The following DOCK5 variants were observed in gnomAD, a reference collection of about 807,000 sequenced individuals.
DOCK5 encodes the protein dedicator of cytokinesis 5, also known as dedicator of cytokinesis protein 5.
A neutral mutation model predicts 251.8 loss-of-function variants in DOCK5; 142 were observed. The observed-to-expected ratio is 0.56, with a 90% CI of 0.49 to 0.65. The LOEUF (loss-of-function observed/expected upper bound fraction) is 0.65. DOCK5 is among the 30% of genes least tolerant of loss of function. The pLI, the probability that DOCK5 is intolerant of heterozygous loss-of-function variation, is 0.00. For synonymous variants in DOCK5, 842 were observed against 835.5 expected (o/e 1.01, Z -0.13); for missense variants, 2,111 against 2,312.3 (o/e 0.91, Z 1.79).
rs1804695328 is a variant in DOCK5, at chr8:25,299,223, C to T, written c.764+122C>T. Reference sequence around the variant, plus strand: ...GAAAATAGGGAAGCATGGAAGATTTCTAAGCAGTAGAATGTAAAATCATAT... The same window carrying T: ...GAAAATAGGGAAGCATGGAAGATTTTTAAGCAGTAGAATGTAAAATCATAT... On this transcript the variant is annotated intron_variant, in intron 8 of 51. Transcript: ENST00000276440. 4.3e-6 allele frequency: 5 copies of T among 1,166,454 alleles called. No individual in the cohort carries two copies. The South Asian group carries it at 8.1e-5, about 19-fold the overall frequency. The allele number at this position is 1,166,454 out of a possible 1,614,324, so 72.3% of individuals were successfully genotyped here.
At chr8:25,253,115 A>G (rs529812459) in intron 2 of DOCK5, among the ~76,000 whole-genome samples, 1 of 152,282 alleles carries the variant, frequency 6.6e-6, no homozygotes, top group South Asian at 2.1e-4. Context: ...TGAACCACCA[A>G]CCCTAAAATT....
chr8:25,365,278 T>G (rs746032074), intron 30 of DOCK5, among the ~76,000 whole-genome samples: 1 of 152,232 alleles, frequency 6.6e-6, no homozygotes, highest in African/African-American at 2.4e-5. Context: ...TGAAGGCAGA[T>G]AAGTTCCTTG....
At chr8:25,221,470 G>A (rs1023992349) in intron 1 of DOCK5, among the ~76,000 whole-genome samples, 15 of 152,008 alleles carry the variant, frequency 9.9e-5, no homozygotes, top group African/African-American at 3.1e-4. Context: ...CACCATGCCC[G>A]GCTGATTTTT....
At chr8:25,201,105 C>G (rs1169829274) in intron 1 of DOCK5, among the ~76,000 whole-genome samples, 1 of 152,128 alleles carries the variant, frequency 6.6e-6, no homozygotes, top group Non-Finnish European at 1.5e-5. Flanking sequence ...CAGGGTTTCA[C>G]CATTTTGGTC....
At chr8:25,251,137 G>A (rs1390728404) in intron 2 of DOCK5, among the ~76,000 whole-genome samples, 1 of 152,096 alleles carries the variant, frequency 6.6e-6, no homozygotes, top group East Asian at 1.9e-4. Context: ...CATATCCATC[G>A]ATTAACTCTT....
At chr8:25,366,336 C>T (rs1243619074) in intron 30 of DOCK5, among the ~76,000 whole-genome samples, 1 of 152,120 alleles carries the variant, frequency 6.6e-6, no homozygotes, top group African/African-American at 2.4e-5. Context: ...ACTAAAAATG[C>T]AAAAACTAGC....
chr8:25,264,846 AC>A lies in DOCK5; in HGVS notation c.128-3998del, dbSNP rs201221791. On this transcript the variant is annotated intron_variant, in intron 2 of 51. Transcript: ENST00000276440. The stretch of plus-strand genomic sequence containing the variant: ...TCTCAAAAAACAAAAAACAACAACA[AC>A]AAAAAAAACATAAGGCATGATGACA... 1.1e-3 allele frequency among the ~76,000 whole-genome samples: 153 copies of A among 140,944 alleles called. 7 individuals carry two copies. The highest frequency in any genetic ancestry group is 4.3e-3 in the African/African-American group (145 of 33,772). The allele number at this position is 140,944 out of a possible 152,430, so 92.5% of individuals were successfully genotyped here. A position where few individuals can be genotyped will look rare whatever the true frequency, so the allele number is the denominator to read the frequency against.
Position 25,184,870 on chromosome 8 carries a change from C to T in DOCK5, c.-39C>T. 7.5e-7 allele frequency: 1 copy of T among 1,340,078 alleles called. No homozygotes were observed. The allele number at this position is 1,340,078 out of a possible 1,614,324, so 83.0% of individuals were successfully genotyped here. ...GCGGCCGGAGCCCGAGGAGCTGTAG[C>T]AGCCTTAGTCGCCGCCGCCGCGGGG... On this transcript the variant is annotated 5_prime_UTR_variant, in exon 1 of 52. Transcript: ENST00000276440.
chr8:25,291,404 T>G (rs562048651), intron 5 of DOCK5, among the ~76,000 whole-genome samples: 1 of 152,118 alleles, frequency 6.6e-6, no homozygotes, highest in Non-Finnish European at 1.5e-5. Context: ...AGAATCAGGC[T>G]AGGCGCAGTG....
At position 25,411,294 on chromosome 8, in the gene DOCK5, A is replaced by C; in HGVS notation, c.5609A>C (p.Gln1870Pro). 3 of 1,538,516 alleles carry C rather than the reference A, an allele frequency of 1.9e-6. No individual in the cohort carries two copies. The highest frequency in any genetic ancestry group is 2.6e-6 in the Non-Finnish European group (3 of 1,146,334). The change falls in exon 52 of 52, where the codon CAG becomes CCG. Residue 1870 changes from glutamine (Q) to proline (P), a missense_variant. This residue lies in a region of DOCK5 where 1,717 missense variants were observed against 1,892.4 expected (regional missense o/e 0.91). Transcript: ENST00000276440. Reference sequence around the variant, plus strand: ...ATCCCTACTTCCGAGCCTGGATCCCAGTAAGGATCTTGCCCTCCCTGCAAC... The same window carrying C: ...ATCCCTACTTCCGAGCCTGGATCCCCGTAAGGATCTTGCCCTCCCTGCAAC... ...SGIPTSEPGS[Q>P]
At chr8:25,337,688 C>T (rs967660007) in intron 22 of DOCK5, among the ~76,000 whole-genome samples, 3 of 150,614 alleles carry the variant, frequency 2.0e-5, no homozygotes, top group Admixed American at 6.6e-5. Context: ...CAGGTTCAAG[C>T]GATTCTCGTG....
chr8:25,341,695 G>A, intron 23 of DOCK5, 44 bp from the exon 24 acceptor site: 1 of 1,507,950 alleles, frequency 6.6e-7, no homozygotes, highest in South Asian at 1.2e-5. Flanking sequence ...TACTGTATTT[G>A]TCTTGCCTGG....
At chr8:25,343,158 C>T (rs1024612673) in intron 25 of DOCK5, among the ~76,000 whole-genome samples, 2 of 151,292 alleles carry the variant, frequency 1.3e-5, no homozygotes, top group Non-Finnish European at 2.9e-5. Flanking sequence ...ATCACCACAC[C>T]CAGCTAATTT....
Position 25,363,031 on chromosome 8 carries a change from CCT to C in DOCK5, c.2950-13_2950-12del. On this transcript the variant is annotated splice_polypyrimidine_tract_variant and intron_variant, in intron 28 of 51. Coordinates refer to ENST00000276440, the MANE Select transcript of DOCK5 (RefSeq NM_024940.8). ...GTAACCCAGTTTTCCCCCAACCACT[CCT>C]CTGTTCTCCGCAGGACTTCCTCATG... 2.5e-6 allele frequency: 4 copies of C among 1,608,628 alleles called. No homozygotes were observed. The highest frequency in any genetic ancestry group is 1.3e-5 in the African/African-American group (1 of 74,910).
At position 25,410,108 on chromosome 8, in the gene DOCK5, C is replaced by T. The variant is rs767152048; in HGVS notation, c.5414C>T (p.Ser1805Leu). ...PKATRTLSSP[S>L]LQTDGIAATP... ...TTTCTGTCATTTCTAGGCTCCCCAT[C>T]GTTGCAGACAGATGGAATCGCGGCC... Residue 1805 changes from serine (S) to leucine (L), a missense_variant, in exon 51 of 52, where the codon TCG (serine) becomes TTG (leucine). By Grantham distance (145) the Ser-to-Leu change is moderately radical (BLOSUM62 -2). This residue lies in a region of DOCK5 where 1,717 missense variants were observed against 1,892.4 expected (regional missense o/e 0.91). Transcript: ENST00000276440. 1.3e-5 allele frequency: 21 copies of T among 1,613,098 alleles called. No individual in the cohort carries two copies. The highest frequency in any genetic ancestry group is 6.7e-5 in the African/African-American group (5 of 74,882).
chr8:25,401,019 C>T lies in DOCK5; in HGVS notation c.4879C>T (p.Arg1627Trp), dbSNP rs770221297. The T allele has an allele frequency of 1.2e-5, 20 of 1,613,978 alleles. No homozygotes were observed. Among genetic ancestry groups the T allele is most frequent in the South Asian group, 1.1e-4 (10 of 91,070 alleles). ...GCATGAGCGGTTGTCTTCTTGCTTCCGGGAACTCAAGGAGAAAGTAGAAAA... is the reference window on the plus strand; with the variant it reads ...GCATGAGCGGTTGTCTTCTTGCTTCTGGGAACTCAAGGAGAAAGTAGAAAA... ...PLHERLSSCFRELKEKVEKHY... is the reference protein window; with the variant it reads ...PLHERLSSCFWELKEKVEKHY... Residue 1627 changes from arginine to tryptophan, a missense_variant, in exon 47 of 52, where the codon CGG becomes TGG. By Grantham distance (101) the Arg-to-Trp change is moderately radical. Coordinates refer to ENST00000276440, the MANE Select transcript of DOCK5 (RefSeq NM_024940.8).
chr8:25,321,705 C>T (rs1425540256), intron 16 of DOCK5, among the ~76,000 whole-genome samples: 1 of 152,152 alleles, frequency 6.6e-6, no homozygotes, highest in Non-Finnish European at 1.5e-5. Flanking sequence ...TGCTCCTCCG[C>T]CGCTTACCTC....
intron 44 of DOCK5, among the ~76,000 whole-genome samples, chr8:25,394,474 T>C (rs76241669): frequency 0.062 from 9,447 of 152,238 alleles, 365 homozygotes; most frequent in South Asian, 0.1. Flanking sequence ...CATCCTATTA[T>C]TTCTGACTTC....
chr8:25,372,583 C>A lies in DOCK5; in HGVS notation c.3549C>A (p.His1183Gln), dbSNP rs1241107046. 1.9e-6 allele frequency: 3 copies of A among 1,586,304 alleles called. No homozygotes were observed. The highest frequency in any genetic ancestry group is 8.5e-7 in the Non-Finnish European group (1 of 1,170,952). Residue 1183 changes from histidine (H) to glutamine (Q), a missense_variant, in exon 35 of 52, where the codon CAC (histidine) becomes CAA (glutamine). Coordinates refer to ENST00000276440, the MANE Select transcript of DOCK5 (RefSeq NM_024940.8). ...GGCTCCTAGAACATTGCCGGAAACA[C>A]AAATACCTCTCCAGCTCTGGGGAGG... ...EKLLLEHCRK[H>Q]KYLSSSGEVF...
Sources: gnomAD v4.1 joint callset for allele counts (sites outside exome capture counted in the v4.1 genomes callset) on GRCh38, gnomAD v4.1.1 for gene constraint, gnomAD v4.1.1 regional missense constraint, MANE v1.5 for transcripts, NCBI Gene and HGNC (gene_info 2026-07-23, HGNC 2026-07-21) for gene names.